ECH1: variants seen among roughly 807,000 people sequenced by gnomAD.
The protein encoded by ECH1 is delta(3,5)-Delta(2,4)-dienoyl-CoA isomerase, mitochondrial.
ECH1 carries 30 observed loss-of-function variants against 37.0 expected under a neutral mutation model. The observed-to-expected ratio is 0.81, with a 90% confidence interval of 0.61 to 1.10. The LOEUF is 1.10. ECH1 is among the 50% of genes least tolerant of loss of function. The pLI, the probability that ECH1 is intolerant of heterozygous loss-of-function variation, is 0.00. For synonymous variants in ECH1, 178 were observed against 176.0 expected (o/e 1.01, Z -0.09); for missense variants, 456 against 441.6 (o/e 1.03, Z -0.29).
chr19:38,823,850 A>C (rs1971700688), intron 3 of ECH1, among the ~76,000 whole-genome samples: 1 of 152,118 alleles, frequency 6.6e-6, no homozygotes, highest in South Asian at 2.1e-4. Flanking sequence ...CCTGCTTCTA[A>C]AATTTGCTGT....
At position 38,818,301 on chromosome 19, in the gene ECH1, T is replaced by C. The variant is rs991143240; in HGVS notation, c.350-726A>G. The C allele has an allele frequency of 7.1e-6, 7 of 985,220 alleles. No individual in the cohort carries two copies. In the South Asian group the frequency reaches 2.8e-4, roughly 40 times the overall value. 61.0% of individuals were successfully genotyped at this position (985,220 alleles called of 1,614,324 possible). ...GTGATGTTTCCTGAGATGAGAAACA[T>C]CTCACGATGCAGCAATTTCTGTGGC... On this transcript the variant is annotated intron_variant, in intron 3 of 9. Coordinates refer to ENST00000221418, the MANE Select transcript of ECH1 (RefSeq NM_001398.3).
In ECH1 at chr19:38,831,106, G is replaced by T; in HGVS notation, c.321C>A (p.Ile107=). The change falls in exon 3 of 10, where the codon ATC becomes ATA. Residue 107 remains isoleucine (I), a synonymous_variant. Coordinates refer to ENST00000221418, the MANE Select transcript of ECH1 (RefSeq NM_001398.3). ...CAGTGAACATTTTTCCTGCACCAGA[G>T]ATCACCACCGCCCGACAGTCAGCGT... ...SRDADCRAVV[I]SGAGKMFTAG... The T allele has an allele frequency of 1.2e-6, 2 of 1,613,974 alleles. No homozygotes were observed. The highest frequency in any genetic ancestry group is 1.7e-6 in the Non-Finnish European group (2 of 1,179,996).
At chr19:38,817,811 T>C in intron 3 of ECH1, 1 of 956,684 alleles carries the variant, frequency 1.0e-6, no homozygotes, top group South Asian at 4.8e-5. Flanking sequence ...ACCAGCTAGG[T>C]CCTATTACTA....
Position 38,815,633 on chromosome 19 carries a change from C to T in ECH1, c.967G>A (p.Val323Ile), listed in dbSNP as rs760921771. 2 of 1,614,152 alleles carry T rather than the reference C, an allele frequency of 1.2e-6. No individual in the cohort carries two copies. The highest frequency in any genetic ancestry group is 2.2e-5 in the East Asian group (1 of 44,878). ...GGCTCTCAGAGCTTGGAGAAGGTGACGGTTTTCAGTTCCTTGTTCTCAGTC... is the reference window on the plus strand; with the variant it reads ...GGCTCTCAGAGCTTGGAGAAGGTGATGGTTTTCAGTTCCTTGTTCTCAGTC... ...ATTENKELKT[V>I]TFSKL The change falls in exon 10 of 10, where the codon GTC becomes ATC. Residue 323 changes from valine (V) to isoleucine (I), a missense_variant. Coordinates refer to ENST00000221418, the MANE Select transcript of ECH1 (RefSeq NM_001398.3).
At position 38,815,582 on chromosome 19, in the gene ECH1, C is replaced by T. The variant is rs777784059; in HGVS notation, c.*31G>A. On this transcript the variant is annotated 3_prime_UTR_variant, in exon 10 of 10. Transcript: ENST00000221418. ...GTGGATGAGGCGGGACAAGGCCGGC[C>T]CCCTGGCTGGGGCCTGGGACGCGAG... The T allele has an allele frequency of 6.2e-7, 1 of 1,606,386 alleles. No homozygotes were observed. The highest frequency in any genetic ancestry group is 1.1e-5 in the South Asian group (1 of 90,818).
intron 3 of ECH1, among the ~76,000 whole-genome samples, chr19:38,823,909 G>A (rs1568359826): frequency 6.6e-6 from 1 of 152,126 alleles, no homozygotes; most frequent in Admixed American, 6.6e-5. Flanking sequence ...CTAGAACTCT[G>A]TTACATTCTT....
chr19:38,819,353 C>T, intron 3 of ECH1: 1 of 526,994 alleles, frequency 1.9e-6, no homozygotes, highest in South Asian at 8.3e-5. Flanking sequence ...TCAAAGGTCA[C>T]CTCCTAGAGA....
In ECH1 at chr19:38,816,536, T is replaced by A; in HGVS notation, c.589-13A>T. On this transcript the variant is annotated splice_polypyrimidine_tract_variant and intron_variant, in intron 6 of 9. Coordinates refer to ENST00000221418, the MANE Select transcript of ECH1 (RefSeq NM_001398.3). ...CCACGTCCACCTCCTGGGGGAGGAA[T>A]CGGGTCAGTGTTTGGTTTCTGCCCA... is the stretch of plus-strand genomic sequence containing the variant. The A allele has an allele frequency of 6.2e-7, 1 of 1,614,014 alleles. No individual in the cohort carries two copies. The highest frequency in any genetic ancestry group is 8.5e-7 in the Non-Finnish European group (1 of 1,179,948).
chr19:38,819,124 G>A (rs532879565), intron 3 of ECH1: 1 of 985,122 alleles, frequency 1.0e-6, no homozygotes, highest in African/African-American at 1.7e-5. Flanking sequence ...AAAATAAAAA[G>A]AAAAGAAAAT....
rs1283130122 is a variant in ECH1, at chr19:38,815,659, G to A, written c.941C>T (p.Thr314Met). The change falls in exon 10 of 10, where the codon ACG becomes ATG. Residue 314 changes from threonine (T) to methionine (M), a missense_variant. Coordinates refer to ENST00000221418, the MANE Select transcript of ECH1 (RefSeq NM_001398.3). ...GGTTTTCAGTTCCTTGTTCTCAGTC[G>A]TGGCCTGGACCGACTTCACGAGGTC... ...TQDLVKSVQA[T>M]TENKELKTVT... The A allele has an allele frequency of 1.2e-6, 2 of 1,614,060 alleles. No individual in the cohort carries two copies. Among genetic ancestry groups the A allele is most frequent in the African/African-American group, 1.3e-5 (1 of 74,934 alleles).
intron 3 of ECH1, among the ~76,000 whole-genome samples, chr19:38,829,986 T>C (rs1971795205): frequency 1.3e-5 from 2 of 151,908 alleles, no homozygotes; most frequent in Admixed American, 6.6e-5. Context: ...TAAAACTCCG[T>C]CTCTACTAGA....
chr19:38,817,646 A>C, intron 3 of ECH1, 71 bp from the exon 4 acceptor site: 1 of 1,504,984 alleles, frequency 6.6e-7, no homozygotes, highest in Non-Finnish European at 8.9e-7. Flanking sequence ...AGGGATCAGA[A>C]CCCAGGCACA....
chr19:38,824,014 C>CA (rs1430188167), intron 3 of ECH1, among the ~76,000 whole-genome samples: 1 of 152,200 alleles, frequency 6.6e-6, no homozygotes, highest in Admixed American at 6.5e-5. Context: ...CCTCCTCAGA[C>CA]TAACAGGCCT....
rs537652417 is a variant in ECH1 at position 38,824,544 on chromosome 19, T to C, written c.349+6534A>G. ...TGAAAAAGAGGAGGCTCATTTTTTT[T>C]CTGCACTATGGCCTGGCCCCAGTAT... On this transcript the variant is annotated intron_variant, in intron 3 of 9. Coordinates refer to ENST00000221418, the MANE Select transcript of ECH1 (RefSeq NM_001398.3). Among the ~76,000 whole-genome samples, 9 of 152,296 alleles carry C rather than the reference T, an allele frequency of 5.9e-5. No homozygotes were observed. The East Asian group carries it at 1.3e-3, about 23-fold the overall frequency.
At position 38,816,620 on chromosome 19, in the gene ECH1, G is replaced by A. The variant is rs1971581478; in HGVS notation, c.589-97C>T. 7.9e-6 allele frequency: 11 copies of A among 1,394,924 alleles called. No individual in the cohort carries two copies. In the South Asian group the frequency reaches 8.7e-5, roughly 11 times the overall value. The allele number at this position is 1,394,924 out of a possible 1,614,324, so 86.4% of individuals were successfully genotyped here. On this transcript the variant is annotated intron_variant, in intron 6 of 9. Coordinates refer to ENST00000221418, the MANE Select transcript of ECH1 (RefSeq NM_001398.3). The stretch of plus-strand genomic sequence containing the variant: ...AATTTCATGTCTACTGGAGAGTCCC[G>A]CCCCACCTTCACCCCAGTGACTTCC...
Position 38,831,361 on chromosome 19 carries a change from C to T in ECH1, c.208G>A (p.Val70Ile), listed in dbSNP as rs1971820105. The T allele has an allele frequency of 2.5e-6, 4 of 1,613,822 alleles. No homozygotes were observed. Among genetic ancestry groups the T allele is most frequent in the Non-Finnish European group, 1.7e-6 (2 of 1,179,882 alleles). The change falls in exon 2 of 10, where the codon GTC (valine) becomes ATC (isoleucine). Residue 70 changes from valine to isoleucine, a missense_variant. Physicochemically the swap from Val to Ile is conservative, Grantham distance 29. Transcript: ENST00000221418. ...CTCTTGTTGGGCCGGTTGAGCTGGA[C>T]ATGCAGAACATGTTTCTGCGCAGAC... ...VTSAQKHVLH[V>I]QLNRPNKRNA... is the part of the protein sequence containing the mutation.
At chr19:38,827,162 G>A (rs1442504001) in intron 3 of ECH1, among the ~76,000 whole-genome samples, 1 of 151,802 alleles carries the variant, frequency 6.6e-6, no homozygotes, top group African/African-American at 2.4e-5. Flanking sequence ...AAGGGACCTG[G>A]GAATATGTTA....
At position 38,831,759 on chromosome 19, in the gene ECH1, A is replaced by C. The variant is rs1476543505; in HGVS notation, c.14T>G (p.Ile5Arg). MAAG[I>R]VASRRLRDLL... ...GTCGCGGAGTCTGCGAGAAGCCACT[A>C]TCCCCGCCGCCATCGCCGCCGCCTT... Residue 5 changes from isoleucine (I) to arginine (R), a missense_variant, in exon 1 of 10, where the codon ATA (isoleucine) becomes AGA (arginine). By Grantham distance (97) the Ile-to-Arg change is moderately conservative. Coordinates refer to ENST00000221418, the MANE Select transcript of ECH1 (RefSeq NM_001398.3). The C allele has an allele frequency of 1.1e-5, 18 of 1,612,954 alleles. No homozygotes were observed. The highest frequency in any genetic ancestry group is 1.7e-5 in the Admixed American group (1 of 59,950).
chr19:38,815,941 G>A lies in ECH1; in HGVS notation c.798C>T (p.Ser266=). 1 of 1,614,174 alleles carries A rather than the reference G, an allele frequency of 6.2e-7. No homozygotes were observed. The highest frequency in any genetic ancestry group is 8.5e-7 in the Non-Finnish European group (1 of 1,180,032). The change falls in exon 9 of 10, where the codon AGC becomes AGT. Residue 266 remains serine, a synonymous_variant. Transcript: ENST00000221418. ...TGCTCTGCACCGCCACGGGGCTCTTGCTGGAAATCTCGGCCGCCAGCGCTA... is the reference window on the plus strand; with the variant it reads ...TGCTCTGCACCGCCACGGGGCTCTTACTGGAAATCTCGGCCGCCAGCGCTA... ...AALALAAEIS[S]KSPVAVQSTK...
Sources: allele counts gnomAD v4.1 joint callset (sites outside exome capture counted in the v4.1 genomes callset), GRCh38; gene constraint gnomAD v4.1.1; transcripts MANE v1.5; gene names NCBI Gene and HGNC (gene_info 2026-07-23, HGNC 2026-07-21).